Variants in PIBF1 observed in about 807,000 individuals in gnomAD.
The protein encoded by PIBF1 is progesterone-induced-blocking factor 1.
PIBF1 carries 90 observed loss-of-function variants against 112.5 expected under a neutral mutation model. That is an observed-to-expected ratio of 0.80 (90% CI 0.67 to 0.95). PIBF1 has a LOEUF of 0.95. Ranked by LOEUF, PIBF1 falls within the 40% of genes least tolerant of loss-of-function variation. The pLI, the probability that PIBF1 is intolerant of heterozygous loss-of-function variation, is 0.00. For missense variants in PIBF1, 915 were observed against 852.3 expected (o/e 1.07, Z -0.92); for synonymous variants, 301 against 288.6 (o/e 1.04, Z -0.44).
At chr13:72,936,008 T>TTTTA (rs139965738) in intron 14 of PIBF1, among the ~76,000 whole-genome samples, 46,690 of 149,334 alleles carry the variant, frequency 0.31, 7,636 homozygotes, top group Non-Finnish European at 0.36. Context: ...AATGATGTCT[T>TTTTA]TTTATTTATT....
chr13:72,807,218 A>G (rs947045639), intron 5 of PIBF1, among the ~76,000 whole-genome samples: 7 of 152,136 alleles, frequency 4.6e-5, no homozygotes, highest in Admixed American at 4.6e-4. Context: ...ATGAAAAACA[A>G]AAATAGAAGT....
At chr13:72,792,576 C>A (rs764295302) in intron 3 of PIBF1, 29 bp downstream of exon 3, 14 of 1,102,422 alleles carry the variant, frequency 1.3e-5, no homozygotes, top group African/African-American at 6.5e-5. Context: ...AAAAAAAAAA[C>A]AACATCTATT....
At position 72,827,713 on chromosome 13, in the gene PIBF1, T is replaced by C. The variant is rs1356422564; in HGVS notation, c.916-20T>C. 3 of 1,407,802 alleles carry C rather than the reference T, an allele frequency of 2.1e-6. No individual in the cohort carries two copies. Among genetic ancestry groups the C allele is most frequent in the South Asian group, 1.7e-5 (1 of 60,598 alleles). The allele number at this position is 1,407,802 out of a possible 1,614,324, so 87.2% of individuals were successfully genotyped here. ...AAGATGGCATCACTGTGGATACTTTTTGTTTCTACATGTATGTAGGTAGTC... is the reference window on the plus strand; with the variant it reads ...AAGATGGCATCACTGTGGATACTTTCTGTTTCTACATGTATGTAGGTAGTC... On this transcript the variant is annotated intron_variant, in intron 7 of 17. Transcript: ENST00000326291.
At chr13:72,883,455 A>C (rs1035475226) in intron 10 of PIBF1, among the ~76,000 whole-genome samples, 3 of 151,866 alleles carry the variant, frequency 2.0e-5, no homozygotes, top group African/African-American at 7.3e-5. Context: ...TTAATTGTAC[A>C]TTTTTTTTAG....
At chr13:72,853,081 TC>T (rs1566360136) in intron 9 of PIBF1, among the ~76,000 whole-genome samples, 1 of 151,864 alleles carries the variant, frequency 6.6e-6, no homozygotes, top group East Asian at 1.9e-4. Flanking sequence ...TAGGTGACTA[TC>T]TGAAAGAAAC....
intron 14 of PIBF1, among the ~76,000 whole-genome samples, chr13:72,964,823 G>A (rs1464253475): frequency 6.6e-6 from 1 of 152,158 alleles, no homozygotes; most frequent in African/African-American, 2.4e-5. Context: ...CGCACTTTGG[G>A]AGGCTGAGGT....
intron 13 of PIBF1, among the ~76,000 whole-genome samples, chr13:72,923,334 T>C (rs1002761882): frequency 1.4e-4 from 21 of 152,156 alleles, no homozygotes; most frequent in African/African-American, 4.8e-4. Context: ...TAACCTGTAT[T>C]TGGCATCAAG....
chr13:72,905,309 G>A (rs11842058), intron 11 of PIBF1, among the ~76,000 whole-genome samples: 29,631 of 151,578 alleles, frequency 0.2, 3,025 homozygotes, highest in Middle Eastern at 0.26. Flanking sequence ...CTCGTGATCC[G>A]CACATCTCAG....
rs995916531 is a variant in PIBF1, at chr13:72,835,301, T to C, written c.1156T>C (p.Leu386=). 8.8e-6 allele frequency: 14 copies of C among 1,599,768 alleles called. No individual in the cohort carries two copies. Among genetic ancestry groups the C allele is most frequent in the Non-Finnish European group, 1.1e-5 (13 of 1,173,654 alleles). The change falls in exon 9 of 18, where the codon TTG becomes CTG. Residue 386 remains leucine, a synonymous_variant. Transcript: ENST00000326291. The part of the protein sequence containing the change: ...KLHDELEQIR[L]KTNQEIDQLR... ...ACATGATGAACTAGAACAAATCAGATTGAAAACCAACCAAGAAATTGATCA... is the reference window on the plus strand; with the variant it reads ...ACATGATGAACTAGAACAAATCAGACTGAAAACCAACCAAGAAATTGATCA...
intron 10 of PIBF1, among the ~76,000 whole-genome samples, chr13:72,877,882 T>C (rs2039473019): frequency 6.6e-6 from 1 of 151,980 alleles, no homozygotes; most frequent in African/African-American, 2.4e-5. Flanking sequence ...CCCGAGTAGC[T>C]GGGATTACAG....
intron 14 of PIBF1, among the ~76,000 whole-genome samples, chr13:72,936,145 G>C (rs2041867472): frequency 6.6e-6 from 1 of 151,756 alleles, no homozygotes; most frequent in South Asian, 2.1e-4. Flanking sequence ...CAAACTATTG[G>C]GAGCCTTAGC....
At chr13:72,945,683 A>G (rs563962820) in intron 14 of PIBF1, among the ~76,000 whole-genome samples, 1 of 152,304 alleles carries the variant, frequency 6.6e-6, no homozygotes, top group East Asian at 1.9e-4. Context: ...CTTCAAATTA[A>G]CCAGAATTGT....
intron 14 of PIBF1, among the ~76,000 whole-genome samples, chr13:72,957,004 T>A (rs1054590516): frequency 1.3e-5 from 2 of 152,036 alleles, no homozygotes; most frequent in Admixed American, 6.6e-5. Context: ...ATGAAAAAAA[T>A]TTTTAAAAAA....
chr13:72,874,012 A>AC (rs903962294), intron 10 of PIBF1, among the ~76,000 whole-genome samples: 21 of 152,314 alleles, frequency 1.4e-4, no homozygotes, highest in African/African-American at 4.6e-4. Context: ...ATTATTAATC[A>AC]CCAGGAAAAT....
At chr13:72,891,129 A>G (rs1454956649) in intron 10 of PIBF1, among the ~76,000 whole-genome samples, 1 of 152,152 alleles carries the variant, frequency 6.6e-6, no homozygotes, top group Non-Finnish European at 1.5e-5. Context: ...ATATAAGGAA[A>G]TAATATTAGT....
At position 72,965,420 on chromosome 13, in the gene PIBF1, A is replaced by G; in HGVS notation, c.1964+16A>G. 6.9e-6 allele frequency: 11 copies of G among 1,587,462 alleles called. No individual in the cohort carries two copies. Among genetic ancestry groups the G allele is most frequent in the Non-Finnish European group, 9.4e-6 (11 of 1,167,252 alleles). On this transcript the variant is annotated intron_variant, in intron 15 of 17. Transcript: ENST00000326291. ...AAGATGTCAGGTAAACCATCTACAA[A>G]TCTTTTATTTGAATAATAAAGACAT...
chr13:72,922,494 C>T (rs2041332997), intron 13 of PIBF1, among the ~76,000 whole-genome samples: 1 of 152,066 alleles, frequency 6.6e-6, no homozygotes, highest in African/African-American at 2.4e-5. Flanking sequence ...ATGGTGACAC[C>T]CAGGCACTAA....
At position 72,795,238 on chromosome 13, in the gene PIBF1, A is replaced by G. The variant is rs904892329; in HGVS notation, c.354-121A>G. ...AGTAAATAAGTATTTAGCTGGAGTA[A>G]GTAAATAATACTGTCAGGTTTCTGA... On this transcript the variant is annotated intron_variant, in intron 3 of 17. Coordinates refer to ENST00000326291, the MANE Select transcript of PIBF1 (RefSeq NM_006346.4). 6.1e-6 allele frequency: 4 copies of G among 659,080 alleles called. No homozygotes were observed. In the East Asian group the frequency reaches 1.1e-4, roughly 19 times the overall value. 40.8% of individuals were successfully genotyped at this position (659,080 alleles called of 1,614,324 possible). A position where few individuals can be genotyped will look rare whatever the true frequency, so the allele number is the denominator to read the frequency against.
At chr13:72,804,532 G>A (rs187864498) in intron 5 of PIBF1, among the ~76,000 whole-genome samples, 2 of 152,246 alleles carry the variant, frequency 1.3e-5, no homozygotes, top group African/African-American at 4.8e-5. Flanking sequence ...AGGGCAGGAC[G>A]CCTGTCACCT....
Sources: allele counts gnomAD v4.1 joint callset (sites outside exome capture counted in the v4.1 genomes callset), GRCh38; gene constraint gnomAD v4.1.1; transcripts MANE v1.5; gene names NCBI Gene and HGNC (gene_info 2026-07-23, HGNC 2026-07-21).